TLN1: variants seen among roughly 807,000 people sequenced by gnomAD.
TLN1 encodes the protein talin-1.
In TLN1, 56 loss-of-function variants were observed where a neutral mutation model predicts 292.3. That is an observed-to-expected ratio of 0.19 (90% confidence interval 0.15 to 0.24). TLN1 has a LOEUF of 0.24. TLN1 is among the 10% of genes least tolerant of loss of function. The pLI is 1.00. For synonymous variants in TLN1, 1,119 were observed against 1,253.7 expected (o/e 0.89, Z 2.27); for missense variants, 2,433 against 3,248.2 (o/e 0.75, Z 6.10).
intron 7 of TLN1, 137 bp from the exon 8 acceptor site, chr9:35,723,058 A>C (rs1043460194): frequency 1.5e-6 from 1 of 677,160 alleles, no homozygotes; most frequent in East Asian, 2.8e-5. Context: ...CTGAGGGAAT[A>C]GAGTCTAGAT....
chr9:35,721,835 G>C (rs763468973), intron 9 of TLN1, 32 bp from the exon 10 acceptor site: 1 of 1,600,520 alleles, frequency 6.2e-7, no homozygotes, highest in East Asian at 2.2e-5. Flanking sequence ...TGGTGTTACA[G>C]GTCAGAGGTC....
rs1294908154 is a variant in TLN1 at position 35,724,270 on chromosome 9, C to T, written c.576G>A (p.Leu192=). Reference sequence around the variant, plus strand: ...CTGAGTAAAAGAACTTCCTCCGCAGCAGCAGCGTCTCGTGCTCCTCTACAC... The same window carrying T: ...CTGAGTAAAAGAACTTCCTCCGCAGTAGCAGCGTCTCGTGCTCCTCTACAC... ...EQGVEEHETL[L]LRRKFFYSDQ... Residue 192 remains leucine, a synonymous_variant, in exon 6 of 57, where the codon CTG becomes CTA. Coordinates refer to ENST00000314888, the MANE Select transcript of TLN1 (RefSeq NM_006289.4). The surrounding 1 kb of genome is among the most constrained non-coding windows in gnomAD (Gnocchi z 4.7). The T allele has an allele frequency of 6.2e-7, 1 of 1,614,182 alleles. No homozygotes were observed. The highest frequency in any genetic ancestry group is 1.7e-5 in the Admixed American group (1 of 60,020).
In TLN1 at chr9:35,717,659, T is replaced by C. The variant is rs1825809704; in HGVS notation, c.2123A>G (p.Gln708Arg). ...LQTQVIAAAT[Q>R]CALSTSQLVA... ...TAGTTGGGAAGTGGATAGGGCACAC[T>C]GTGTTGCTGCAGCAATAACTTGGGT... is the stretch of plus-strand genomic sequence containing the variant. Residue 708 changes from glutamine (Q) to arginine (R), a missense_variant, in exon 18 of 57, where the codon CAG becomes CGG. By Grantham distance (43) the Gln-to-Arg change is conservative (BLOSUM62 1). Around this residue, in one of 7 missense-constraint regions of TLN1, gnomAD observed 617 missense variants for 770.6 expected, o/e 0.80. Coordinates refer to ENST00000314888, the MANE Select transcript of TLN1 (RefSeq NM_006289.4). This position sits in a 1 kb window ranked among gnomAD's most constrained non-coding sequence, Gnocchi z 4.7. 2 of 1,614,114 alleles carry C rather than the reference T, an allele frequency of 1.2e-6. No individual in the cohort carries two copies. Among genetic ancestry groups the C allele is most frequent in the Non-Finnish European group, 1.7e-6 (2 of 1,179,964 alleles).
In TLN1 at chr9:35,711,271, G is replaced by T; in HGVS notation, c.4003C>A (p.Leu1335Met). The stretch of plus-strand genomic sequence containing the variant: ...ACTACTTACCTGGCAGCTGCAGCCA[G>T]CTGACTCTTGAGGTTAGGGGCAGCA... ...DPAAPNLKSQ[L>M]AAAARAVTDS... is the part of the protein sequence containing the mutation. Residue 1335 changes from leucine to methionine, a missense_variant, in exon 30 of 57, where the codon CTG becomes ATG. By Grantham distance (15) the Leu-to-Met change is conservative. Transcript: ENST00000314888. The T allele has an allele frequency of 1.2e-6, 2 of 1,614,128 alleles. No homozygotes were observed. The highest frequency in any genetic ancestry group is 1.7e-6 in the Non-Finnish European group (2 of 1,180,040).
At position 35,704,779 on chromosome 9, in the gene TLN1, C is replaced by A; in HGVS notation, c.5770G>T (p.Gly1924Cys). Residue 1924 changes from glycine to cysteine, a missense_variant, in exon 44 of 57, where the codon GGC (glycine) becomes TGC (cysteine). Physicochemically the swap from Gly to Cys is radical, Grantham distance 159. Transcript: ENST00000314888. The surrounding 1 kb of genome is among the most constrained non-coding windows in gnomAD (Gnocchi z 6.9). ...GTGACCAGAGCGGCACAGCCATGGCCCAGCTCCTGTACCCGGTGTTTGATA... is the reference window on the plus strand; with the variant it reads ...GTGACCAGAGCGGCACAGCCATGGCACAGCTCCTGTACCCGGTGTTTGATA... ...SHIKHRVQEL[G>C]HGCAALVTKA... 6.2e-7 allele frequency: 1 copy of A among 1,614,132 alleles called. No individual in the cohort carries two copies. Among genetic ancestry groups the A allele is most frequent in the Non-Finnish European group, 8.5e-7 (1 of 1,180,034 alleles).
Position 35,697,438 on chromosome 9 carries a change from C to T in TLN1, c.*353G>A, listed in dbSNP as rs1254841193. The stretch of plus-strand genomic sequence containing the variant: ...GGTGGGGGAAGATAGTATCAAAAAA[C>T]GGTGAAGAGAGCTGATGAGGCTGTG... On this transcript the variant is annotated 3_prime_UTR_variant, in exon 57 of 57. Transcript: ENST00000314888. 14 of 265,566 alleles carry T rather than the reference C, an allele frequency of 5.3e-5. No individual in the cohort carries two copies. Among genetic ancestry groups the T allele is most frequent in the Middle Eastern group, 1.2e-3 (1 of 864 alleles). The allele number at this position is 265,566 out of a possible 1,614,324, so 16.5% of individuals were successfully genotyped here.
intron 7 of TLN1, 167 bp from the exon 8 acceptor site, chr9:35,723,088 G>T: frequency 3.6e-6 from 2 of 548,688 alleles, no homozygotes; most frequent in Non-Finnish European, 6.4e-6. Flanking sequence ...AAATAGAGGT[G>T]ACTTCGTGTA....
At chr9:35,708,943 T>C (rs1162525707) in intron 33 of TLN1, among the ~76,000 whole-genome samples, 2 of 152,234 alleles carry the variant, frequency 1.3e-5, no homozygotes, top group African/African-American at 2.4e-5. Flanking sequence ...AGCACCTCCA[T>C]GCGTCAGATA....
At chr9:35,700,452 G>T in intron 48 of TLN1, 76 bp from the exon 49 acceptor site, 1 of 1,447,400 alleles carries the variant, frequency 6.9e-7, no homozygotes, top group South Asian at 1.3e-5. Context: ...GTGTGCATGT[G>T]ATTTGGTGCA....
At chr9:35,722,292 C>T in intron 8 of TLN1, 69 bp from the exon 9 acceptor site, 1 of 1,325,700 alleles carries the variant, frequency 7.5e-7, no homozygotes, top group Middle Eastern at 1.8e-4. Context: ...AGGTTGGATG[C>T]TAACTCTAAC....
At chr9:35,710,095 C>T (rs1360540818) in intron 33 of TLN1, among the ~76,000 whole-genome samples, 2 of 144,782 alleles carry the variant, frequency 1.4e-5, no homozygotes, top group African/African-American at 2.5e-5. Context: ...TGGTGGTGAG[C>T]GCCTGTAGTC....
At chr9:35,730,798 A>G (rs1013347975) in intron 1 of TLN1, among the ~76,000 whole-genome samples, 1 of 152,118 alleles carries the variant, frequency 6.6e-6, no homozygotes. Flanking sequence ...TAATACCAAG[A>G]GAACAAGTGA....
At chr9:35,722,508 TG>T (rs1431501803) in intron 8 of TLN1, among the ~76,000 whole-genome samples, 2 of 152,210 alleles carry the variant, frequency 1.3e-5, no homozygotes, top group South Asian at 2.1e-4. Flanking sequence ...GTATTCAGAG[TG>T]GGGGTAACAC....
Position 35,707,574 on chromosome 9 carries a change from T to C in TLN1, c.4633-86A>G. 1 of 1,580,444 alleles carries C rather than the reference T, an allele frequency of 6.3e-7. No individual in the cohort carries two copies. The highest frequency in any genetic ancestry group is 1.3e-5 in the African/African-American group (1 of 74,224). ...AAGTCCAGGTCTCCTTCCTGGGACT[T>C]ACAGGATTTGGGGAGAGGCTAGGTG... is the stretch of plus-strand genomic sequence containing the variant. On this transcript the variant is annotated intron_variant, in intron 35 of 56. Coordinates refer to ENST00000314888, the MANE Select transcript of TLN1 (RefSeq NM_006289.4). The surrounding 1 kb of genome is among the most constrained non-coding windows in gnomAD (Gnocchi z 5.6).
Position 35,731,808 on chromosome 9 carries a change from A to G in TLN1, c.-34+267T>C, listed in dbSNP as rs978302408. On this transcript the variant is annotated intron_variant, in intron 1 of 56. Coordinates refer to ENST00000314888, the MANE Select transcript of TLN1 (RefSeq NM_006289.4). ...CACATGCCCGCTATCAGCTAACACC[A>G]AAGCCCGTCCCCGCCCTGCGCCCCG... 2.0e-5 allele frequency among the ~76,000 whole-genome samples: 3 copies of G among 152,130 alleles called. No homozygotes were observed. The East Asian group carries it at 5.8e-4, about 29-fold the overall frequency.
In TLN1 at chr9:35,706,509, G is replaced by A. The variant is rs373244419; in HGVS notation, c.5131C>T (p.His1711Tyr). The A allele has an allele frequency of 6.2e-7, 1 of 1,614,068 alleles. No homozygotes were observed. Among genetic ancestry groups the A allele is most frequent in the Non-Finnish European group, 8.5e-7 (1 of 1,180,010 alleles). Residue 1711 changes from histidine (H) to tyrosine (Y), a missense_variant, in exon 39 of 57, where the codon CAT becomes TAT. Physicochemically the swap from His to Tyr is moderately conservative, Grantham distance 83. This residue lies in a region of TLN1 where 1,384 missense variants were observed against 1,699.6 expected (regional missense o/e 0.81). Transcript: ENST00000314888. The surrounding 1 kb of genome is among the most constrained non-coding windows in gnomAD (Gnocchi z 4.2). ...QMLTAVQEIS[H>Y]LIEPLANAAR... is the part of the protein sequence containing the mutation. ...GCATTGGCCAGCGGCTCAATGAGAT[G>A]GGAGATCTCTTGGACTGCAGTGAGC...
chr9:35,723,105 TC>T (rs201532446), intron 7 of TLN1, 184 bp from the exon 8 acceptor site: 3 of 497,618 alleles, frequency 6.0e-6, no homozygotes, highest in African/African-American at 2.1e-5. Flanking sequence ...TGTAAACTCT[TC>T]TTTTTTTTTT....
Position 35,715,167 on chromosome 9 carries a change from G to A in TLN1, c.2646C>T (p.Asp882=). The change falls in exon 21 of 57, where the codon GAC becomes GAT. Residue 882 remains aspartate, a synonymous_variant. Coordinates refer to ENST00000314888, the MANE Select transcript of TLN1 (RefSeq NM_006289.4). ...GCAGCCGCTGCTGCTGCTCCTCACT[G>A]TCAGGGTGGGCAGCTGCTCCCTGAG... is the stretch of plus-strand genomic sequence containing the variant. ...EAAKGAAAHP[D]SEEQQQRLRE... is the part of the protein sequence containing the mutation. 4.3e-6 allele frequency: 7 copies of A among 1,611,768 alleles called. No individual in the cohort carries two copies. The East Asian group carries it at 1.6e-4, about 36-fold the overall frequency.
In TLN1 at chr9:35,714,265, C is replaced by A; in HGVS notation, c.3094G>T (p.Ala1032Ser). 1 of 1,612,786 alleles carries A rather than the reference C, an allele frequency of 6.2e-7. No homozygotes were observed. Among genetic ancestry groups the A allele is most frequent in the Non-Finnish European group, 8.5e-7 (1 of 1,178,968 alleles). ...QCAKNLGTAL[A>S]ELRTAAQKAQ... The stretch of plus-strand genomic sequence containing the variant: ...TTCTGGGCAGCCGTCCGGAGTTCAG[C>A]CAGCGCGGTGCCCAGGTTCTTGGCA... The change falls in exon 24 of 57, where the codon GCT (alanine) becomes TCT (serine). Residue 1032 changes from alanine to serine, a missense_variant. Ala to Ser is a moderately conservative substitution (Grantham distance 99). This residue lies in a region of TLN1 where 1,384 missense variants were observed against 1,699.6 expected (regional missense o/e 0.81). Transcript: ENST00000314888. The surrounding 1 kb of genome is among the most constrained non-coding windows in gnomAD (Gnocchi z 4.6).
Sources: allele counts gnomAD v4.1 joint callset (sites outside exome capture counted in the v4.1 genomes callset), GRCh38; gene constraint gnomAD v4.1.1; regional missense constraint gnomAD v4.1.1; non-coding constraint Gnocchi (gnomAD v3.1); transcripts MANE v1.5; gene names NCBI Gene and HGNC (gene_info 2026-07-23, HGNC 2026-07-21).